Variants in AP3B2 observed in about 807,000 individuals in gnomAD.
AP3B2 encodes the protein adaptor related protein complex 3 subunit beta 2.
AP3B2 carries 50 observed loss-of-function variants against 126.9 expected under a neutral mutation model. The observed-to-expected ratio is 0.39, with a 90% CI of 0.31 to 0.50. The LOEUF (loss-of-function observed/expected upper bound fraction) is 0.50. Among genes scored for constraint, AP3B2 ranks in the 20% least tolerant of loss-of-function variants. AP3B2 has a pLI of 0.79. For missense variants in AP3B2, 1,177 were observed against 1,426.4 expected, an observed-to-expected ratio of 0.83 and a Z score of 2.82; for synonymous variants, 541 against 565.0, an observed-to-expected ratio of 0.96 and a Z score of 0.60.
chr15:82,703,467 C>T (rs2048752288), intron 1 of AP3B2, among the ~76,000 whole-genome samples: 1 of 152,048 alleles, frequency 6.6e-6, no homozygotes, highest in East Asian at 1.9e-4. Flanking sequence ...ACATTCCACC[C>T]TCCATTCCTC....
rs1463351050 is a variant in AP3B2 at position 82,681,011 on chromosome 15, C to G, written c.597G>C (p.Ala199=). Residue 199 remains alanine, a synonymous_variant, in exon 7 of 27, where the codon GCG becomes GCC. Coordinates refer to ENST00000535359, the MANE Select transcript of AP3B2 (RefSeq NM_001278512.2). The surrounding 1 kb of genome is among the most constrained non-coding windows in gnomAD (Gnocchi z 4.0). Reference sequence around the variant, plus strand: ...CCTCAAAGGCCATCACCACACTGCCCGCCACCAGCTGGGGAAAGAACAAAG... The same window carrying G: ...CCTCAAAGGCCATCACCACACTGCCGGCCACCAGCTGGGGAAAGAACAAAG... ...KLLADKTTLV[A]GSVVMAFEEV... 8.7e-6 allele frequency: 14 copies of G among 1,613,788 alleles called. No individual in the cohort carries two copies. The highest frequency in any genetic ancestry group is 1.2e-5 in the Non-Finnish European group (14 of 1,179,890).
intron 4 of AP3B2, chr15:82,688,357 T>G: frequency 1.4e-6 from 1 of 695,030 alleles, no homozygotes; most frequent in African/African-American, 1.8e-5. Context: ...CTGCTAAAGG[T>G]TGAAATCTAC....
chr15:82,663,096 C>CCAGCCCGGTCCCCTCCT (rs1447434600), intron 22 of AP3B2, 31 bp downstream of exon 22: 15 of 1,571,906 alleles, frequency 9.5e-6, no homozygotes, highest in Admixed American at 1.8e-5. Context: ...TGTCCCTGCC[C>CCAGCCCGGTCCCCTCCT]CAGCCCGGTC....
In AP3B2 at chr15:82,681,746, T is replaced by G. The variant is rs553298732; in HGVS notation, c.361-166A>C. ...CAGTGATGGGTATCTGGGGGACACT[T>G]AATTTTGGCTCTGGTTGCAGAAATC... On this transcript the variant is annotated intron_variant, in intron 4 of 26. Transcript: ENST00000535359. This position sits in a 1 kb window ranked among gnomAD's most constrained non-coding sequence, Gnocchi z 4.0. The G allele has an allele frequency of 1.3e-6, 1 of 748,334 alleles. No homozygotes were observed. Among genetic ancestry groups the G allele is most frequent in the African/African-American group, 1.8e-5 (1 of 56,544 alleles). 46.4% of individuals were successfully genotyped at this position (748,334 alleles called of 1,614,324 possible). A position where few individuals can be genotyped will look rare whatever the true frequency, so the allele number is the denominator to read the frequency against.
Position 82,662,252 on chromosome 15 carries a change from T to C in AP3B2, c.2834A>G (p.Glu945Gly), listed in dbSNP as rs1452772027. 1.3e-6 allele frequency: 2 copies of C among 1,593,348 alleles called. No homozygotes were observed. Among genetic ancestry groups the C allele is most frequent in the South Asian group, 2.3e-5 (2 of 87,398 alleles). Residue 945 changes from glutamate to glycine, a missense_variant and splice_region_variant, in exon 24 of 27, where the codon GAG becomes GGG. Physicochemically the swap from Glu to Gly is moderately conservative, Grantham distance 98 (BLOSUM62 -2). Coordinates refer to ENST00000535359, the MANE Select transcript of AP3B2 (RefSeq NM_001278512.2). ...GGCAGATTCTCCAGGTGCCAGGGAC[T>C]CTGAAGTGGTATAAGGCAGTGAAGG... ...GISIQEFPEIESLAPGESATA... is the reference protein window; with the variant it reads ...GISIQEFPEIGSLAPGESATA...
intron 1 of AP3B2, chr15:82,692,372 C>A: frequency 1.9e-6 from 1 of 513,646 alleles, no homozygotes; most frequent in Non-Finnish European, 3.4e-6. Flanking sequence ...CACCTCCCAA[C>A]GCCCCCTCCC....
In AP3B2 at chr15:82,664,967, G is replaced by T; in HGVS notation, c.2029-24C>A. On this transcript the variant is annotated intron_variant, in intron 17 of 26. Transcript: ENST00000535359. The surrounding 1 kb of genome is among the most constrained non-coding windows in gnomAD (Gnocchi z 4.5). ...ACCTGGAGATGGGGGTAGGGTGCAG[G>T]GTCATTTCATCATGGTTGGGGAGAA... 6.5e-7 allele frequency: 1 copy of T among 1,544,744 alleles called. No individual in the cohort carries two copies. The highest frequency in any genetic ancestry group is 8.9e-7 in the Non-Finnish European group (1 of 1,127,292).
intron 1 of AP3B2, chr15:82,699,835 G>A: frequency 2.5e-6 from 1 of 399,866 alleles, no homozygotes; most frequent in East Asian, 3.6e-5. Flanking sequence ...TCTGACCCCA[G>A]GCCTCACCAC....
At chr15:82,706,111 G>A (rs1050439045) in intron 1 of AP3B2, among the ~76,000 whole-genome samples, 1 of 152,184 alleles carries the variant, frequency 6.6e-6, no homozygotes, top group African/African-American at 2.4e-5. Flanking sequence ...ATGTCTGCGT[G>A]CAGCGGCTGC....
chr15:82,681,424 A>G lies in AP3B2; in HGVS notation c.517T>C (p.Tyr173His), dbSNP rs2048338307. The change falls in exon 5 of 27, where the codon TAC (tyrosine) becomes CAC (histidine). Residue 173 changes from tyrosine (Y) to histidine (H), a missense_variant. This residue lies in a region of AP3B2 where 130 missense variants were observed against 262.0 expected (regional missense o/e 0.50). Transcript: ENST00000535359. The surrounding 1 kb of genome is among the most constrained non-coding windows in gnomAD (Gnocchi z 4.0). Reference protein sequence around the residue: ...KTAAHAIPKLYSLDSDQKDQL... With the variant: ...KTAAHAIPKLHSLDSDQKDQL... ...TGGGACAGGGCTGGGGCATACCTGT[A>G]GAGTTTAGGGATGGCGTGGGCAGCT... The G allele has an allele frequency of 6.2e-7, 1 of 1,613,764 alleles. No homozygotes were observed. The highest frequency in any genetic ancestry group is 8.5e-7 in the Non-Finnish European group (1 of 1,179,758).
chr15:82,676,792 G>C (rs2048249461), intron 13 of AP3B2, among the ~76,000 whole-genome samples, 155 bp from the exon 14 acceptor site: 1 of 152,104 alleles, frequency 6.6e-6, no homozygotes, highest in Non-Finnish European at 1.5e-5. Context: ...GATAGAGAGA[G>C]GTTAAAAGGT....
At position 82,680,350 on chromosome 15, in the gene AP3B2, G is replaced by A. The variant is rs1186046499; in HGVS notation, c.1056-121C>T. The A allele has an allele frequency of 6.6e-6, 10 of 1,512,090 alleles. No homozygotes were observed. Among genetic ancestry groups the A allele is most frequent in the Middle Eastern group, 1.9e-4 (1 of 5,368 alleles). 93.7% of individuals were successfully genotyped at this position (1,512,090 alleles called of 1,614,324 possible). ...GGACCAGTGCGGAGGGCAGGACTAC[G>A]GTCAGTGTGGAGCGGGTGGGCAGAG... is the stretch of plus-strand genomic sequence containing the variant. On this transcript the variant is annotated intron_variant, in intron 8 of 26. Transcript: ENST00000535359. This position sits in a 1 kb window ranked among gnomAD's most constrained non-coding sequence, Gnocchi z 6.1.
intron 15 of AP3B2, 48 bp downstream of exon 15, chr15:82,666,699 G>C (rs1363896011): frequency 6.3e-7 from 1 of 1,585,836 alleles, no homozygotes. Context: ...ACTCTGGCCA[G>C]TTCCTTTCCA....
At position 82,663,545 on chromosome 15, in the gene AP3B2, A is replaced by G; in HGVS notation, c.2497+15T>C. 6.2e-7 allele frequency: 1 copy of G among 1,612,924 alleles called. No homozygotes were observed. The highest frequency in any genetic ancestry group is 2.2e-5 in the East Asian group (1 of 44,848). ...AGGCCTCCTTTCCCCTGTGACTTTT[A>G]CCACCCAAACTCACAATCCTCTAGA... On this transcript the variant is annotated intron_variant, in intron 21 of 26. Coordinates refer to ENST00000535359, the MANE Select transcript of AP3B2 (RefSeq NM_001278512.2).
At chr15:82,675,499 C>G (rs564877101) in intron 14 of AP3B2, among the ~76,000 whole-genome samples, 5 of 152,328 alleles carry the variant, frequency 3.3e-5, no homozygotes, top group African/African-American at 1.2e-4. Flanking sequence ...ATGCTACAGT[C>G]TCCAGGGGAT....
chr15:82,680,928 A>C lies in AP3B2; in HGVS notation c.680T>G (p.Leu227Arg). ...IHKNYRKLCN[L>R]LIDVEEWGQV... is the part of the protein sequence containing the mutation. ...GCCCCACTCCTCCACGTCGATCAGC[A>C]GGTTACAGAGTTTCCGGTAGTTTTT... The change falls in exon 7 of 27, where the codon CTG becomes CGG. Residue 227 changes from leucine to arginine, a missense_variant. Physicochemically the swap from Leu to Arg is moderately radical, Grantham distance 102. This residue lies in a region of AP3B2 where 103 missense variants were observed against 101.4 expected (regional missense o/e 1.02). Coordinates refer to ENST00000535359, the MANE Select transcript of AP3B2 (RefSeq NM_001278512.2). The surrounding 1 kb of genome is among the most constrained non-coding windows in gnomAD (Gnocchi z 6.1). 1 of 1,613,898 alleles carries C rather than the reference A, an allele frequency of 6.2e-7. No homozygotes were observed. Among genetic ancestry groups the C allele is most frequent in the Non-Finnish European group, 8.5e-7 (1 of 1,179,866 alleles).
At chr15:82,676,899 T>G (rs1172108148) in intron 13 of AP3B2, among the ~76,000 whole-genome samples, 1 of 152,234 alleles carries the variant, frequency 6.6e-6, no homozygotes. Context: ...AGATTGATTT[T>G]CTGGATTCAT....
In AP3B2 at chr15:82,665,423, ACACACACAC is replaced by A. The variant is rs754805144; in HGVS notation, c.1971+25_1971+33del. On this transcript the variant is annotated intron_variant, in intron 16 of 26. Coordinates refer to ENST00000535359, the MANE Select transcript of AP3B2 (RefSeq NM_001278512.2). This position sits in a 1 kb window ranked among gnomAD's most constrained non-coding sequence, Gnocchi z 4.4. ...CACACACACACACACACACACACAC[ACACACACAC>A]ACTTCAACCCTCCACCCCGCTGACC... 1.1e-6 allele frequency: 1 copy of A among 942,190 alleles called. No individual in the cohort carries two copies. The highest frequency in any genetic ancestry group is 1.5e-6 in the Non-Finnish European group (1 of 655,518). 58.4% of individuals were successfully genotyped at this position (942,190 alleles called of 1,614,324 possible).
intron 14 of AP3B2, among the ~76,000 whole-genome samples, chr15:82,670,118 G>GGGT (rs1555465725): frequency 1.5e-5 from 2 of 136,330 alleles, no homozygotes; most frequent in African/African-American, 5.5e-5. Context: ...TTTTTGGCGG[G>GGGT]GGGGGACGAA....
Sources: allele counts gnomAD v4.1 joint callset (sites outside exome capture counted in the v4.1 genomes callset), GRCh38; gene constraint gnomAD v4.1.1; regional missense constraint gnomAD v4.1.1; non-coding constraint Gnocchi (gnomAD v3.1); transcripts MANE v1.5; gene names NCBI Gene and HGNC (gene_info 2026-07-23, HGNC 2026-07-21).